Variants in GTF2B observed in about 807,000 individuals in gnomAD.
GTF2B encodes the protein general transcription factor IIB.
In GTF2B, 20 loss-of-function variants were observed where a neutral mutation model predicts 34.6. That is an observed-to-expected ratio of 0.58 (90% CI 0.41 to 0.84). The LOEUF (loss-of-function observed/expected upper bound fraction) is 0.84, where lower values mean the gene tolerates loss of function less well. GTF2B is among the 40% of genes least tolerant of loss of function. GTF2B has a pLI of 0.00. For missense variants in GTF2B, 237 were observed against 393.3 expected, an observed-to-expected ratio of 0.60 and a Z score of 3.36; for synonymous variants, 142 against 132.4, an observed-to-expected ratio of 1.07 and a Z score of -0.50.
At chr1:88,854,687 G>T (rs1366737962) in intron 6 of GTF2B, among the ~76,000 whole-genome samples, 1 of 152,126 alleles carries the variant, frequency 6.6e-6, no homozygotes, top group Non-Finnish European at 1.5e-5. Flanking sequence ...GCAGAGGCAG[G>T]GTTTCACCAT....
intron 6 of GTF2B, among the ~76,000 whole-genome samples, chr1:88,854,411 T>C (rs1673256718): frequency 6.6e-6 from 1 of 152,234 alleles, no homozygotes; most frequent in Non-Finnish European, 1.5e-5. Flanking sequence ...CCTTTTTTCC[T>C]TTCAAAGTCA....
chr1:88,861,887 G>A (rs1673448854), intron 3 of GTF2B, among the ~76,000 whole-genome samples: 1 of 152,082 alleles, frequency 6.6e-6, no homozygotes, highest in African/African-American at 2.4e-5. Context: ...GGTATTAAAA[G>A]GCAGTAATAT....
At chr1:88,882,791 G>A (rs984024803) in intron 2 of GTF2B, among the ~76,000 whole-genome samples, 5 of 152,182 alleles carry the variant, frequency 3.3e-5, no homozygotes, top group Admixed American at 3.3e-4. Flanking sequence ...TTATTGCTTG[G>A]AAGGCATTCA....
In GTF2B at chr1:88,857,504, TAAATA is replaced by T. The variant is rs1557652681; in HGVS notation, c.536-22_536-18del. On this transcript the variant is annotated intron_variant, in intron 5 of 6. Coordinates refer to ENST00000370500, the MANE Select transcript of GTF2B (RefSeq NM_001514.6). ...CACATATTTCTAAAAGAAAAAAAAT[TAAATA>T]AATCAATTCACTTAAGCCATATAGT... 3 of 1,371,008 alleles carry T rather than the reference TAAATA, an allele frequency of 2.2e-6. No homozygotes were observed. The highest frequency in any genetic ancestry group is 2.3e-5 in the East Asian group (1 of 43,546). 84.9% of individuals were successfully genotyped at this position (1,371,008 alleles called of 1,614,324 possible).
chr1:88,865,868 A>G (rs944444760), intron 2 of GTF2B, among the ~76,000 whole-genome samples: 2 of 148,598 alleles, frequency 1.3e-5, no homozygotes, highest in African/African-American at 5.2e-5. Flanking sequence ...AAACAAACAA[A>G]CAAACAAAAA....
chr1:88,879,297 G>A (rs1673878669), intron 2 of GTF2B, among the ~76,000 whole-genome samples: 1 of 152,094 alleles, frequency 6.6e-6, no homozygotes, highest in South Asian at 2.1e-4. Context: ...AGGTGATAGT[G>A]GCCAGGTATG....
intron 1 of GTF2B, among the ~76,000 whole-genome samples, chr1:88,891,282 G>A (rs1674198085): frequency 6.6e-6 from 1 of 152,140 alleles, no homozygotes; most frequent in South Asian, 2.1e-4. Flanking sequence ...GGGCAATAAC[G>A]TCAACAGCTC....
At chr1:88,861,315 T>C (rs72957484) in intron 3 of GTF2B, among the ~76,000 whole-genome samples, 13,310 of 152,258 alleles carry the variant, frequency 0.087, 1,348 homozygotes, top group African/African-American at 0.25. Context: ...AGAAGCCAAT[T>C]TTCCCTGTGT....
chr1:88,857,127 G>A (rs981555971), intron 6 of GTF2B, 79 bp downstream of exon 6: 61 of 1,314,710 alleles, frequency 4.6e-5, no homozygotes, highest in East Asian at 1.2e-4. Flanking sequence ...CTATTTACCC[G>A]GTTCAGACTT....
chr1:88,863,404 C>T (rs557230132), intron 3 of GTF2B, among the ~76,000 whole-genome samples: 49 of 152,134 alleles, frequency 3.2e-4, no homozygotes, highest in African/African-American at 1.2e-3. Context: ...AGTTCAGTGG[C>T]GCGATCTTGG....
intron 5 of GTF2B, among the ~76,000 whole-genome samples, chr1:88,858,221 G>A (rs566745207): frequency 2.0e-5 from 3 of 152,064 alleles, no homozygotes; most frequent in South Asian, 4.2e-4. Context: ...GGCTGGTCTT[G>A]AACTCCTGAC....
intron 2 of GTF2B, among the ~76,000 whole-genome samples, chr1:88,875,538 T>TGGCC (rs1369553374): frequency 6.6e-6 from 1 of 152,236 alleles, no homozygotes; most frequent in African/African-American, 2.4e-5. Flanking sequence ...ACAATAAATT[T>TGGCC]GGCCACTCAC....
chr1:88,874,000 G>C (rs1292006575), intron 2 of GTF2B, among the ~76,000 whole-genome samples: 2 of 152,150 alleles, frequency 1.3e-5, no homozygotes, highest in African/African-American at 2.4e-5. Flanking sequence ...AATAGGATGG[G>C]GGAGAGGAGA....
At chr1:88,856,291 C>CAAA (rs1162915523) in intron 6 of GTF2B, among the ~76,000 whole-genome samples, 53 of 86,164 alleles carry the variant, frequency 6.2e-4, no homozygotes, top group South Asian at 1.1e-3. Flanking sequence ...AAAAAAAAAA[C>CAAA]AAAAAAAAAA....
intron 2 of GTF2B, among the ~76,000 whole-genome samples, chr1:88,874,111 T>C (rs1288945907): frequency 1.3e-5 from 2 of 152,096 alleles, no homozygotes; most frequent in East Asian, 1.9e-4. Flanking sequence ...CTCTTTACTA[T>C]GCAAGCAACT....
In GTF2B at chr1:88,880,957, C is replaced by T. The variant is rs369041937; in HGVS notation, c.124+6304G>A. Among the ~76,000 whole-genome samples the T allele has an allele frequency of 2.7e-5, 4 of 146,132 alleles. No homozygotes were observed. In the East Asian group the frequency reaches 5.9e-4, roughly 22 times the overall value. On this transcript the variant is annotated intron_variant, in intron 2 of 6. Transcript: ENST00000370500. The stretch of plus-strand genomic sequence containing the variant: ...CTGGGAGGTGGAGGTTACAGTAAGC[C>T]GAGATCATGCCACTGCACTCCGGCC...
At position 88,860,557 on chromosome 1, in the gene GTF2B, G is replaced by A. The variant is rs143706967; in HGVS notation, c.259-271C>T. On this transcript the variant is annotated intron_variant, in intron 3 of 6. Transcript: ENST00000370500. ...ACAGTCTAATTTCACTTAGAAATAT[G>A]ATAAAAAATATTAAATACTAGAAAA... Among the ~76,000 whole-genome samples, 449 of 152,118 alleles carry A rather than the reference G, an allele frequency of 3.0e-3. 4 individuals are homozygous for A. Among genetic ancestry groups the A allele is most frequent in the Non-Finnish European group, 5.5e-3 (377 of 67,986 alleles).
intron 6 of GTF2B, among the ~76,000 whole-genome samples, 159 bp downstream of exon 6, chr1:88,857,047 C>T (rs1055736864): frequency 7.2e-5 from 11 of 152,082 alleles, no homozygotes; most frequent in South Asian, 2.1e-4. Context: ...GTGATCCTCC[C>T]GCCTCGGCCT....
chr1:88,887,475 A>T, intron 1 of GTF2B, 108 bp from the exon 2 acceptor site: 2 of 731,156 alleles, frequency 2.7e-6, no homozygotes, highest in Non-Finnish European at 5.0e-6. Context: ...TTTTTCATAC[A>T]TACAACTGTA....
Sources: allele counts gnomAD v4.1 joint callset (sites outside exome capture counted in the v4.1 genomes callset), GRCh38; gene constraint gnomAD v4.1.1; transcripts MANE v1.5; gene names NCBI Gene and HGNC (gene_info 2026-07-23, HGNC 2026-07-21).